GPR158: variants seen among roughly 807,000 people sequenced by gnomAD.
GPR158 encodes metabotropic glycine receptor.
GPR158 carries 30 observed loss-of-function variants against 78.2 expected under a neutral mutation model. The observed-to-expected ratio is 0.38, with a 90% confidence interval of 0.29 to 0.52. The LOEUF is 0.52. Ranked by LOEUF, GPR158 falls within the 20% of genes least tolerant of loss-of-function variation. The pLI, the probability that GPR158 is intolerant of heterozygous loss-of-function variation, is 0.83. For missense variants in GPR158, 1,463 were observed against 1,523.5 expected (o/e 0.96, Z 0.66); for synonymous variants, 581 against 591.1 (o/e 0.98, Z 0.25).
At chr10:25,435,909 G>A (rs1240510803) in intron 4 of GPR158, among the ~76,000 whole-genome samples, 1 of 152,078 alleles carries the variant, frequency 6.6e-6, no homozygotes, top group African/African-American at 2.4e-5. Context: ...AGATAGAATT[G>A]GCAGGACTTG....
intron 2 of GPR158, among the ~76,000 whole-genome samples, chr10:25,286,147 G>A (rs773759628): frequency 6.6e-6 from 1 of 151,748 alleles, no homozygotes; most frequent in African/African-American, 2.4e-5. Flanking sequence ...TTGTATTTTA[G>A]TATATATTTT....
At position 25,597,974 on chromosome 10, in the gene GPR158, A is replaced by G. The variant is rs1473199265; in HGVS notation, c.2348A>G (p.Lys783Arg). ...DKEGADHGTA[K>R]GTALIRKNPP... ...GAGGGCGCCGACCATGGCACAGCCAAAGGCACTGCCCTCATCAGGAAGAAC... is the reference window on the plus strand; with the variant it reads ...GAGGGCGCCGACCATGGCACAGCCAGAGGCACTGCCCTCATCAGGAAGAAC... Residue 783 changes from lysine to arginine, a missense_variant, in exon 11 of 11, where the codon AAA becomes AGA. Transcript: ENST00000376351. The G allele has an allele frequency of 3.7e-6, 6 of 1,613,918 alleles. No individual in the cohort carries two copies. The East Asian group carries it at 1.3e-4, about 36-fold the overall frequency.
chr10:25,261,747 T>G (rs965011491), intron 2 of GPR158, among the ~76,000 whole-genome samples: 2 of 152,144 alleles, frequency 1.3e-5, no homozygotes, highest in Admixed American at 1.3e-4. Context: ...TGATCTACGC[T>G]TTTAACCATT....
intron 2 of GPR158, among the ~76,000 whole-genome samples, chr10:25,283,309 C>A (rs1854301980): frequency 6.6e-6 from 1 of 151,904 alleles, no homozygotes; most frequent in African/African-American, 2.4e-5. Context: ...TTTTCTTATT[C>A]TTTTAATGTT....
chr10:25,438,980 G>T (rs916435183), intron 4 of GPR158, among the ~76,000 whole-genome samples: 12 of 152,190 alleles, frequency 7.9e-5, no homozygotes, highest in Non-Finnish European at 1.2e-4. Flanking sequence ...AGCCACATTT[G>T]TTTGTCTACA....
intron 4 of GPR158, among the ~76,000 whole-genome samples, chr10:25,416,815 C>A (rs1034753123): frequency 1.3e-5 from 2 of 152,028 alleles, no homozygotes; most frequent in African/African-American, 2.4e-5. Context: ...GTATATTTAG[C>A]CTTATTCCAG....
intron 2 of GPR158, among the ~76,000 whole-genome samples, chr10:25,292,348 T>C (rs999402292): frequency 6.6e-5 from 10 of 152,226 alleles, no homozygotes; most frequent in Admixed American, 3.9e-4. Context: ...CTTTAGACAG[T>C]CTCTTTGGAA....
intron 5 of GPR158, among the ~76,000 whole-genome samples, chr10:25,474,141 G>T (rs1260226517): frequency 6.6e-6 from 1 of 152,020 alleles, no homozygotes; most frequent in African/African-American, 2.4e-5. Context: ...GCCCAAGAAT[G>T]CAGGCAGCCT....
At chr10:25,226,292 T>C (rs1418642817) in intron 2 of GPR158, among the ~76,000 whole-genome samples, 2 of 152,172 alleles carry the variant, frequency 1.3e-5, no homozygotes, top group African/African-American at 4.8e-5. Flanking sequence ...GTGGCTACCA[T>C]GTTGAAAAGT....
chr10:25,577,856 AAAAAAATAAGGTAAGATTTAATGG>A (rs1366880548), intron 7 of GPR158, among the ~76,000 whole-genome samples: 1 of 142,290 alleles, frequency 7.0e-6, no homozygotes, highest in Admixed American at 7.0e-5. Flanking sequence ...TCCTGTGTAT[AAAAAAATAAGGTAAGATTTAATGG>A]AAAAAATAAG....
rs1837458121 is a variant in GPR158, at chr10:25,599,176, G to T, written c.3550G>T (p.Ala1184Ser). Residue 1184 changes from alanine (A) to serine (S), a missense_variant, in exon 11 of 11, where the codon GCT (alanine) becomes TCT (serine). Physicochemically the swap from Ala to Ser is moderately conservative, Grantham distance 99 (BLOSUM62 1). Coordinates refer to ENST00000376351, the MANE Select transcript of GPR158 (RefSeq NM_020752.3). ...GTTTGAGACCCCAGCTCAACCAAAT[G>T]CTGGAAGAAGTGTAGCTTTACCTGC... ...WEFETPAQPNAGRSVALPASS... is the reference protein window; with the variant it reads ...WEFETPAQPNSGRSVALPASS... 6.2e-7 allele frequency: 1 copy of T among 1,611,214 alleles called. No homozygotes were observed. Among genetic ancestry groups the T allele is most frequent in the Admixed American group, 1.7e-5 (1 of 60,000 alleles).
chr10:25,265,767 A>G (rs1854037660), intron 2 of GPR158, among the ~76,000 whole-genome samples: 1 of 152,162 alleles, frequency 6.6e-6, no homozygotes, highest in Non-Finnish European at 1.5e-5. Context: ...ATTTTGCCAG[A>G]AGAACCAGGC....
In GPR158 at chr10:25,597,999, C is replaced by T. The variant is rs752795321; in HGVS notation, c.2373C>T (p.Asn791=). ...TAKGTALIRK[N]PPESSGNTGK... ...AAGGCACTGCCCTCATCAGGAAGAA[C>T]CCCCCAGAGTCTTCAGGGAACACAG... The change falls in exon 11 of 11, where the codon AAC becomes AAT. Residue 791 remains asparagine, a synonymous_variant. Coordinates refer to ENST00000376351, the MANE Select transcript of GPR158 (RefSeq NM_020752.3). The T allele has an allele frequency of 1.9e-6, 3 of 1,614,002 alleles. No homozygotes were observed. Among genetic ancestry groups the T allele is most frequent in the South Asian group, 1.1e-5 (1 of 91,076 alleles).
chr10:25,212,363 A>G (rs1853143523), intron 1 of GPR158, among the ~76,000 whole-genome samples: 1 of 152,086 alleles, frequency 6.6e-6, no homozygotes. Flanking sequence ...GACAACCGGA[A>G]CTTACGAGAA....
At chr10:25,567,809 T>G (rs1261502873) in intron 6 of GPR158, among the ~76,000 whole-genome samples, 1 of 152,046 alleles carries the variant, frequency 6.6e-6, no homozygotes, top group Non-Finnish European at 1.5e-5. Flanking sequence ...TGCACAATAG[T>G]GAAAGACCAT....
At position 25,588,989 on chromosome 10, in the gene GPR158, G is replaced by T. The variant is rs755507330; in HGVS notation, c.1754-18G>T. The T allele has an allele frequency of 3.6e-5, 55 of 1,513,774 alleles. No homozygotes were observed. The highest frequency in any genetic ancestry group is 4.4e-5 in the Non-Finnish European group (49 of 1,113,060). 93.8% of individuals were successfully genotyped at this position (1,513,774 alleles called of 1,614,324 possible). A position where few individuals can be genotyped will look rare whatever the true frequency, so the allele number is the denominator to read the frequency against. ...CTTCACCTATAAAACTCATGAAAAT[G>T]GTTTGTTATTTTCACAGCTGAATTT... is the stretch of plus-strand genomic sequence containing the variant. On this transcript the variant is annotated intron_variant, in intron 7 of 10. Transcript: ENST00000376351.
chr10:25,225,627 T>G (rs1283668585), intron 2 of GPR158, among the ~76,000 whole-genome samples: 1 of 152,140 alleles, frequency 6.6e-6, no homozygotes, highest in Admixed American at 6.5e-5. Context: ...GTATTTTCTT[T>G]TTGCATGCCA....
At chr10:25,433,527 T>TA (rs199763935) in intron 4 of GPR158, among the ~76,000 whole-genome samples, 15,797 of 69,824 alleles carry the variant, frequency 0.23, 900 homozygotes, top group Non-Finnish European at 0.27. Flanking sequence ...ATGGTTTAGT[T>TA]AGGGGTGTGT....
chr10:25,398,235 G>C (rs1420945901), intron 3 of GPR158, among the ~76,000 whole-genome samples: 1 of 152,120 alleles, frequency 6.6e-6, no homozygotes, highest in Non-Finnish European at 1.5e-5. Context: ...ATAATAAACA[G>C]ACATCTTAAG....
Sources: gnomAD v4.1 joint callset for allele counts (sites outside exome capture counted in the v4.1 genomes callset) on GRCh38, gnomAD v4.1.1 for gene constraint, MANE v1.5 for transcripts, NCBI Gene and HGNC (gene_info 2026-07-23, HGNC 2026-07-21) for gene names.